Variants in SNAP25 observed in about 807,000 individuals in gnomAD.
SNAP25 encodes synaptosome associated protein 25, also known as synaptosomal-associated protein 25.
A neutral mutation model predicts 28.7 loss-of-function variants in SNAP25; 3 were observed. That is an observed-to-expected ratio of 0.10 (90% CI 0.05 to 0.27). The LOEUF (loss-of-function observed/expected upper bound fraction) is 0.27. Ranked by LOEUF, SNAP25 falls within the 10% of genes least tolerant of loss-of-function variation. The pLI is 1.00. For missense variants in SNAP25, 117 were observed against 278.7 expected (o/e 0.42, Z 4.13); for synonymous variants, 61 against 88.1 (o/e 0.69, Z 1.72).
At chr20:10,238,470 A>AG (rs1054372916) in intron 1 of SNAP25, among the ~76,000 whole-genome samples, 3 of 152,154 alleles carry the variant, frequency 2.0e-5, no homozygotes, top group African/African-American at 4.8e-5. Context: ...CTGCAGTCTC[A>AG]GGGGGGCTCC....
chr20:10,289,636 T>C (rs1198509500), intron 4 of SNAP25, among the ~76,000 whole-genome samples: 1 of 150,682 alleles, frequency 6.6e-6, no homozygotes, highest in Non-Finnish European at 1.5e-5. Context: ...AATAAATTTC[T>C]ATATGTTCAT....
At chr20:10,280,812 C>T (rs1246581739) in intron 3 of SNAP25, among the ~76,000 whole-genome samples, 2 of 152,152 alleles carry the variant, frequency 1.3e-5, no homozygotes, top group Non-Finnish European at 2.9e-5. Context: ...TTTATGCCAA[C>T]TTATCTTTCA....
intron 1 of SNAP25, among the ~76,000 whole-genome samples, chr20:10,230,277 G>C (rs781335261): frequency 6.6e-6 from 1 of 152,098 alleles, no homozygotes; most frequent in Non-Finnish European, 1.5e-5. Flanking sequence ...AAGGGGTGGA[G>C]GGAATATCAT....
chr20:10,249,292 G>A (rs1264690840), intron 1 of SNAP25, among the ~76,000 whole-genome samples: 1 of 152,192 alleles, frequency 6.6e-6, no homozygotes, highest in Non-Finnish European at 1.5e-5. Flanking sequence ...CCCCATCGGT[G>A]ATGGTTGGTG....
intron 1 of SNAP25, among the ~76,000 whole-genome samples, chr20:10,237,113 G>A (rs2062938188): frequency 6.6e-6 from 1 of 152,142 alleles, no homozygotes; most frequent in Admixed American, 6.5e-5. Context: ...AGGAAGCGCT[G>A]ATGGGGGAGT....
chr20:10,284,805 C>G (rs372843196), intron 4 of SNAP25, 33 bp downstream of exon 4: 15 of 1,551,830 alleles, frequency 9.7e-6, no homozygotes, highest in Non-Finnish European at 1.3e-5. Flanking sequence ...AGAACAATTC[C>G]TCTTCTGAAT....
intron 1 of SNAP25, among the ~76,000 whole-genome samples, chr20:10,232,764 G>A (rs1844176009): frequency 6.6e-6 from 1 of 152,196 alleles, no homozygotes; most frequent in Non-Finnish European, 1.5e-5. Flanking sequence ...ATGCAGGATA[G>A]AGACATAGAG....
At chr20:10,254,991 TG>T (rs1217568848) in intron 1 of SNAP25, among the ~76,000 whole-genome samples, 1 of 152,192 alleles carries the variant, frequency 6.6e-6, no homozygotes, top group East Asian at 1.9e-4. Flanking sequence ...AAAAGATTGA[TG>T]GGACACAATG....
chr20:10,285,237 G>C (rs1157990439), intron 4 of SNAP25, among the ~76,000 whole-genome samples: 1 of 152,020 alleles, frequency 6.6e-6, no homozygotes, highest in African/African-American at 2.4e-5. Flanking sequence ...AAATACCTGG[G>C]AGCTGTTTTT....
At chr20:10,273,360 C>T (rs1311889525) in intron 1 of SNAP25, among the ~76,000 whole-genome samples, 1 of 152,268 alleles carries the variant, frequency 6.6e-6, no homozygotes, top group South Asian at 2.1e-4. Context: ...TTTTAAGTTT[C>T]TTCAGACATT....
chr20:10,270,331 G>A (rs2063571532), intron 1 of SNAP25, among the ~76,000 whole-genome samples: 1 of 152,020 alleles, frequency 6.6e-6, no homozygotes, highest in Non-Finnish European at 1.5e-5. Flanking sequence ...CAAGAGAGAA[G>A]GTCCTACAGA....
chr20:10,306,421 G>T lies in SNAP25; in HGVS notation c.*224G>T. 2 of 429,230 alleles carry T rather than the reference G, an allele frequency of 4.7e-6. No homozygotes were observed. Among genetic ancestry groups the T allele is most frequent in the Non-Finnish European group, 8.4e-6 (2 of 238,662 alleles). 26.6% of individuals were successfully genotyped at this position (429,230 alleles called of 1,614,324 possible). A position where few individuals can be genotyped will look rare whatever the true frequency, so the allele number is the denominator to read the frequency against. On this transcript the variant is annotated 3_prime_UTR_variant, in exon 8 of 8. Transcript: ENST00000254976. Reference sequence around the variant, plus strand: ...GGTTGTACATAGTGGTCATTTGGTGGCTCTAACTCCTTGAGGTCTTGAGTT... The same window carrying T: ...GGTTGTACATAGTGGTCATTTGGTGTCTCTAACTCCTTGAGGTCTTGAGTT...
At chr20:10,303,748 T>G (rs1327786890) in intron 7 of SNAP25, among the ~76,000 whole-genome samples, 2 of 152,166 alleles carry the variant, frequency 1.3e-5, no homozygotes, top group Non-Finnish European at 2.9e-5. Flanking sequence ...TGCATTTTTC[T>G]CAGTGGTGAT....
chr20:10,282,146 G>GGGAAGGAA (rs1352039975), intron 3 of SNAP25, among the ~76,000 whole-genome samples: 4 of 126,422 alleles, frequency 3.2e-5, no homozygotes, highest in Admixed American at 1.8e-4. Flanking sequence ...GAAGGAAGGA[G>GGGAAGGAA]GGAAGGAAGG....
At chr20:10,267,566 T>C (rs904322389) in intron 1 of SNAP25, among the ~76,000 whole-genome samples, 2 of 151,844 alleles carry the variant, frequency 1.3e-5, no homozygotes, top group African/African-American at 4.9e-5. Context: ...CTTTGTTTGT[T>C]TTTTTGAGAC....
chr20:10,245,214 C>T (rs888049530), intron 1 of SNAP25, among the ~76,000 whole-genome samples: 1 of 152,210 alleles, frequency 6.6e-6, no homozygotes, highest in Non-Finnish European at 1.5e-5. Context: ...AATTTTCTTT[C>T]AGAGAAATAT....
chr20:10,261,704 C>A (rs1158648804), intron 1 of SNAP25, among the ~76,000 whole-genome samples: 1 of 152,018 alleles, frequency 6.6e-6, no homozygotes, highest in Non-Finnish European at 1.5e-5. Context: ...GCGTTAAAAT[C>A]AATGATTTTA....
intron 1 of SNAP25, among the ~76,000 whole-genome samples, chr20:10,247,544 T>A (rs907647315): frequency 6.6e-6 from 1 of 152,244 alleles, no homozygotes; most frequent in African/African-American, 2.4e-5. Context: ...TAAGTCAGGC[T>A]TCCTTTTTTC....
intron 3 of SNAP25, among the ~76,000 whole-genome samples, chr20:10,284,399 C>T (rs898824317): frequency 3.9e-5 from 6 of 152,116 alleles, no homozygotes; most frequent in African/African-American, 1.4e-4. Flanking sequence ...ACTGTAGACA[C>T]GTTTATTTCC....
Sources: allele counts gnomAD v4.1 joint callset (sites outside exome capture counted in the v4.1 genomes callset), GRCh38; gene constraint gnomAD v4.1.1; transcripts MANE v1.5; gene names NCBI Gene and HGNC (gene_info 2026-07-23, HGNC 2026-07-21).